The following NEGR1 variants were observed in gnomAD, a reference collection of about 807,000 sequenced individuals.
NEGR1 encodes IgLON family member 4.
Under a neutral mutation model 40.9 loss-of-function variants are expected in NEGR1, and 10 were observed. The ratio of observed to expected loss-of-function variants is 0.24; its 90% CI spans 0.15 to 0.42. The LOEUF is 0.42. NEGR1 is among the 10% of genes least tolerant of loss of function. The probability of loss-of-function intolerance (pLI) is 1.00; values close to 1 mark genes in which losing one functional copy is unlikely to be tolerated. For synonymous variants in NEGR1, 185 were observed against 166.8 expected (o/e 1.11, Z -0.84); for missense variants, 352 against 438.9 (o/e 0.80, Z 1.77).
At chr1:71,653,305 A>C (rs1651777382) in intron 4 of NEGR1, among the ~76,000 whole-genome samples, 1 of 152,244 alleles carries the variant, frequency 6.6e-6, no homozygotes, top group Non-Finnish European at 1.5e-5. Context: ...ACACATACTT[A>C]GAAAACATGA....
Position 71,940,824 on chromosome 1 carries a change from G to A in NEGR1, c.177-5513C>T, listed in dbSNP as rs373846095. Among the ~76,000 whole-genome samples, 3 of 152,108 alleles carry A rather than the reference G, an allele frequency of 2.0e-5. No individual in the cohort carries two copies. In the South Asian group the frequency reaches 6.2e-4, roughly 32 times the overall value. ...TTTAGGGTATTTGTTATTTTTTAAA[G>A]CTCAGTTAAGTCAAAAAGCCTGTGG... On this transcript the variant is annotated intron_variant, in intron 1 of 6. Transcript: ENST00000357731.
At chr1:72,050,884 A>C (rs905057043) in intron 1 of NEGR1, among the ~76,000 whole-genome samples, 1 of 151,546 alleles carries the variant, frequency 6.6e-6, no homozygotes, top group Non-Finnish European at 1.5e-5. Flanking sequence ...CACTTAGAGT[A>C]GAACAGAAGT....
intron 1 of NEGR1, among the ~76,000 whole-genome samples, chr1:72,125,626 G>T (rs900965789): frequency 1.2e-4 from 19 of 152,228 alleles, no homozygotes; most frequent in Non-Finnish European, 2.4e-4. Context: ...TATACACAGA[G>T]CACAGATAGT....
At chr1:71,652,369 C>G (rs1438056210) in intron 4 of NEGR1, among the ~76,000 whole-genome samples, 2 of 151,868 alleles carry the variant, frequency 1.3e-5, no homozygotes, top group Non-Finnish European at 2.9e-5. Flanking sequence ...CTGGTTAATT[C>G]CAGTCTTTTT....
chr1:71,925,346 G>T (rs1483053053), intron 2 of NEGR1, among the ~76,000 whole-genome samples: 3 of 152,174 alleles, frequency 2.0e-5, no homozygotes, highest in Non-Finnish European at 2.9e-5. Flanking sequence ...ACTTAGTGCA[G>T]GTGCATGGTC....
intron 1 of NEGR1, among the ~76,000 whole-genome samples, chr1:72,252,136 G>A (rs986586954): frequency 1.5e-5 from 2 of 131,698 alleles, no homozygotes; most frequent in Non-Finnish European, 3.0e-5. Flanking sequence ...ACAGAGTTTT[G>A]CTCTTGTTTT....
chr1:71,450,388 CTA>C (rs1404048070), intron 6 of NEGR1, among the ~76,000 whole-genome samples: 1 of 96,712 alleles, frequency 1.0e-5, no homozygotes, highest in African/African-American at 3.0e-5. Flanking sequence ...AATTGTAACT[CTA>C]TCATTTAAAT....
intron 1 of NEGR1, among the ~76,000 whole-genome samples, chr1:71,961,955 G>A (rs1646168864): frequency 6.6e-6 from 1 of 151,896 alleles, no homozygotes; most frequent in Admixed American, 6.6e-5. Flanking sequence ...GTTTTTGTAA[G>A]GCTTAATGAA....
intron 1 of NEGR1, among the ~76,000 whole-genome samples, chr1:72,118,466 G>T (rs1265704374): frequency 6.6e-6 from 1 of 151,768 alleles, no homozygotes; most frequent in Non-Finnish European, 1.5e-5. Context: ...TATTCATTTG[G>T]GTTGTGAGGA....
intron 4 of NEGR1, among the ~76,000 whole-genome samples, chr1:71,615,096 G>T (rs907753618): frequency 6.6e-6 from 1 of 152,144 alleles, no homozygotes; most frequent in Non-Finnish European, 1.5e-5. Flanking sequence ...CTATCCCTTT[G>T]TGGCTAAAAT....
intron 6 of NEGR1, among the ~76,000 whole-genome samples, chr1:71,521,221 C>T (rs1283078164): frequency 1.3e-5 from 2 of 151,978 alleles, no homozygotes; most frequent in East Asian, 1.9e-4. Context: ...GAATGGAAAA[C>T]GGTCAATTTA....
chr1:71,493,938 T>C (rs1253426397), intron 6 of NEGR1, among the ~76,000 whole-genome samples: 2 of 152,210 alleles, frequency 1.3e-5, no homozygotes, highest in Non-Finnish European at 1.5e-5. Context: ...CATTCACTTA[T>C]TCACATTTCC....
chr1:71,605,070 T>C (rs1650035408), intron 5 of NEGR1, among the ~76,000 whole-genome samples: 1 of 152,134 alleles, frequency 6.6e-6, no homozygotes, highest in Admixed American at 6.5e-5. Context: ...ATTAGAGGAA[T>C]AGGAAAGAAA....
chr1:71,407,441 T>C lies in NEGR1; in HGVS notation c.*5A>G. 1 of 1,611,602 alleles carries C rather than the reference T, an allele frequency of 6.2e-7. No individual in the cohort carries two copies. The highest frequency in any genetic ancestry group is 8.5e-7 in the Non-Finnish European group (1 of 1,178,286). On this transcript the variant is annotated 3_prime_UTR_variant, in exon 7 of 7. Transcript: ENST00000357731. ...TCCTTAAAAGCCTTTTATGGGTCTT[T>C]GAATTTATTGTAGAATGGCATTCTT...
chr1:72,090,802 G>A (rs574082803), intron 1 of NEGR1, among the ~76,000 whole-genome samples: 7 of 152,126 alleles, frequency 4.6e-5, no homozygotes, highest in Non-Finnish European at 1.0e-4. Context: ...AGAGCTGTGG[G>A]GTTTTGAGTA....
At chr1:72,257,026 T>G (rs1356091137) in intron 1 of NEGR1, among the ~76,000 whole-genome samples, 1 of 152,126 alleles carries the variant, frequency 6.6e-6, no homozygotes, top group African/African-American at 2.4e-5. Context: ...GCCAAACTGT[T>G]AAGAATAGCA....
At chr1:71,572,340 C>T (rs144350873) in intron 6 of NEGR1, among the ~76,000 whole-genome samples, 13 of 152,256 alleles carry the variant, frequency 8.5e-5, no homozygotes, top group African/African-American at 2.4e-4. Flanking sequence ...ACAGCTGAAA[C>T]GTAAGGCTCT....
chr1:72,169,279 A>AT (rs202096780), intron 1 of NEGR1, among the ~76,000 whole-genome samples: 1,746 of 152,200 alleles, frequency 0.011, 37 homozygotes, highest in African/African-American at 0.04. Context: ...TCAAAATCAT[A>AT]TTTTTATGTC....
intron 1 of NEGR1, among the ~76,000 whole-genome samples, chr1:71,993,327 G>A (rs904776470): frequency 6.6e-6 from 1 of 152,156 alleles, no homozygotes; most frequent in Admixed American, 6.5e-5. Context: ...AATGGACAAA[G>A]AACAGAGAGG....
Sources: allele counts gnomAD v4.1 joint callset (sites outside exome capture counted in the v4.1 genomes callset), GRCh38; gene constraint gnomAD v4.1.1; transcripts MANE v1.5; gene names NCBI Gene and HGNC (gene_info 2026-07-23, HGNC 2026-07-21).